The following COL6A5 variants were observed in gnomAD, a reference collection of about 807,000 sequenced individuals.
COL6A5 encodes collagen alpha-5(VI) chain.
COL6A5 carries 48 observed loss-of-function variants against 65.6 expected under a neutral mutation model. That is an observed-to-expected ratio of 0.73 (90% confidence interval 0.58 to 0.93). The LOEUF is 0.93. Ranked by LOEUF, COL6A5 falls within the 40% of genes least tolerant of loss-of-function variation. The probability of loss-of-function intolerance (pLI) is 0.00; values close to 1 mark genes in which losing one functional copy is unlikely to be tolerated. For synonymous variants in COL6A5, 291 were observed against 322.8 expected, an observed-to-expected ratio of 0.90 and a Z score of 1.05; for missense variants, 914 against 928.3, an observed-to-expected ratio of 0.98 and a Z score of 0.20.
At chr3:130,370,594 T>C (rs1432496834) in intron 1 of COL6A5, among the ~76,000 whole-genome samples, 2 of 152,170 alleles carry the variant, frequency 1.3e-5, no homozygotes, top group Non-Finnish European at 2.9e-5. Context: ...AATTATTCAT[T>C]TCAGAAGCAT....
intron 7 of COL6A5, among the ~76,000 whole-genome samples, chr3:130,473,980 A>C (rs1322181070): frequency 2.0e-5 from 3 of 152,084 alleles, no homozygotes; most frequent in Non-Finnish European, 4.4e-5. Context: ...TCAAGCAGTA[A>C]CAGTAGTAAC....
intron 1 of COL6A5, among the ~76,000 whole-genome samples, chr3:130,372,293 C>A (rs76690138): frequency 1.3e-5 from 2 of 151,886 alleles, no homozygotes; most frequent in South Asian, 2.1e-4. Flanking sequence ...TATGATAAGA[C>A]CAAATATTTC....
At chr3:130,458,805 A>G (rs1463402551) in intron 5 of COL6A5, among the ~76,000 whole-genome samples, 1 of 152,192 alleles carries the variant, frequency 6.6e-6, no homozygotes, top group Non-Finnish European at 1.5e-5. Flanking sequence ...ATCGAGAGAT[A>G]CTAACAGGCT....
chr3:130,361,792 C>T (rs1935117572), intron 1 of COL6A5, among the ~76,000 whole-genome samples: 1 of 152,028 alleles, frequency 6.6e-6, no homozygotes, highest in Non-Finnish European at 1.5e-5. Context: ...GTAGTAGCAT[C>T]TTACTCTTTT....
intron 1 of COL6A5, among the ~76,000 whole-genome samples, chr3:130,365,831 A>G (rs962738537): frequency 3.3e-5 from 5 of 152,176 alleles, no homozygotes; most frequent in Admixed American, 6.5e-5. Flanking sequence ...CCCCTGACCA[A>G]TTGAGTCAGA....
intron 1 of COL6A5, among the ~76,000 whole-genome samples, chr3:130,358,657 C>T (rs896172743): frequency 2.0e-5 from 3 of 152,106 alleles, no homozygotes; most frequent in African/African-American, 7.2e-5. Context: ...TTTTTCCCCC[C>T]AATCAGGATT....
At chr3:130,403,645 G>C (rs572509291) in exon 13 of COL6A5, 1 of 1,550,910 alleles carries the variant, frequency 6.4e-7, no homozygotes, top group Non-Finnish European at 8.7e-7. Context: ...AGGACACAGG[G>C]GAGAGGATGG....
At chr3:130,440,439 C>G in exon 3 of COL6A5, 1 of 1,613,640 alleles carries the variant, frequency 6.2e-7, no homozygotes, top group Non-Finnish European at 8.5e-7. Context: ...GATTTCATCA[C>G]TTATGACAAC....
chr3:130,422,667 T>G, intron 27 of COL6A5, 53 bp from the exon 28 acceptor site: 2 of 1,189,848 alleles, frequency 1.7e-6, no homozygotes, highest in Non-Finnish European at 2.4e-6. Flanking sequence ...TTTTTTTTAA[T>G]TCTTTCATAG....
intron 23 of COL6A5, 141 bp from the exon 24 acceptor site, chr3:130,416,616 C>T: frequency 1.6e-6 from 1 of 643,478 alleles, no homozygotes; most frequent in Non-Finnish European, 2.8e-6. Flanking sequence ...ATCTGCTTCT[C>T]TCCTCCTGGG....
intron 8 of COL6A5, 29 bp downstream of exon 8, chr3:130,395,494 A>G (rs1457906171): frequency 8.1e-6 from 12 of 1,485,678 alleles, no homozygotes; most frequent in Non-Finnish European, 1.1e-5. Context: ...GTTTTCTTCC[A>G]TGGAAACTTC....
intron 1 of COL6A5, among the ~76,000 whole-genome samples, chr3:130,432,469 T>A (rs1320306500): frequency 6.6e-6 from 1 of 151,672 alleles, no homozygotes; most frequent in Non-Finnish European, 1.5e-5. Flanking sequence ...GAGGCTCACT[T>A]GAACCAGGGA....
chr3:130,430,906 A>G (rs1937774072), upstream of COL6A5, among the ~76,000 whole-genome samples: 1 of 152,176 alleles, frequency 6.6e-6, no homozygotes. Flanking sequence ...TTTCACAGTG[A>G]ATGTTATGCT....
intron 7 of COL6A5, 97 bp from the exon 40 acceptor site, chr3:130,471,585 A>G (rs888489353): frequency 3.5e-6 from 4 of 1,159,014 alleles, no homozygotes; most frequent in Admixed American, 2.6e-5. Flanking sequence ...TCACATACAT[A>G]AAATGGATTC....
chr3:130,440,456 C>T (rs771850684), exon 3 of COL6A5: 2 of 1,613,700 alleles, frequency 1.2e-6, no homozygotes, highest in Non-Finnish European at 1.7e-6. Context: ...CAACCAACTC[C>T]TAATGAAGAA....
intron 1 of COL6A5, among the ~76,000 whole-genome samples, chr3:130,433,747 T>A (rs1035721167): frequency 1.3e-5 from 2 of 152,218 alleles, no homozygotes; most frequent in African/African-American, 4.8e-5. Flanking sequence ...TTGAGCTTTT[T>A]AAATGTTTGC....
At chr3:130,391,588 A>G in exon 7 of COL6A5, 1 of 1,551,726 alleles carries the variant, frequency 6.4e-7, no homozygotes, top group Non-Finnish European at 8.7e-7. Context: ...TGGAACTGAG[A>G]AACAAAGGCA....
chr3:130,448,357 G>T (rs1396535367), intron 4 of COL6A5, among the ~76,000 whole-genome samples: 1 of 152,152 alleles, frequency 6.6e-6, no homozygotes, highest in East Asian at 1.9e-4. Context: ...GGGCTGCGGA[G>T]GTCGGAATCT....
At chr3:130,422,001 A>T (rs1282375434) in intron 27 of COL6A5, among the ~76,000 whole-genome samples, 1 of 152,160 alleles carries the variant, frequency 6.6e-6, no homozygotes, top group Non-Finnish European at 1.5e-5. Flanking sequence ...AAAAAAGTCC[A>T]GAACAATGTC....
Sources: gnomAD v4.1 joint callset for allele counts (sites outside exome capture counted in the v4.1 genomes callset) on GRCh38, gnomAD v4.1.1 for gene constraint, MANE v1.5 for transcripts, NCBI Gene and HGNC (gene_info 2026-07-23, HGNC 2026-07-21) for gene names.